Variants in TMED8 observed in about 807,000 individuals in gnomAD.
TMED8 encodes transmembrane p24 trafficking protein family member 8.
In TMED8, 15 loss-of-function variants were observed where a neutral mutation model predicts 32.7. The observed-to-expected ratio is 0.46, with a 90% CI of 0.31 to 0.71. The LOEUF is 0.71. Ranked by LOEUF, TMED8 falls within the 30% of genes least tolerant of loss-of-function variation. The pLI is 0.06. For synonymous variants in TMED8, 147 were observed against 161.4 expected (o/e 0.91, Z 0.68); for missense variants, 390 against 423.9 (o/e 0.92, Z 0.70).
chr14:77,367,968 A>C (rs1195670880), intron 1 of TMED8, among the ~76,000 whole-genome samples: 1 of 152,224 alleles, frequency 6.6e-6, no homozygotes, highest in African/African-American at 2.4e-5. Context: ...TACTGGGATT[A>C]CAGGCATGGG....
intron 3 of TMED8, among the ~76,000 whole-genome samples, chr14:77,346,135 G>A (rs1467009027): frequency 6.6e-6 from 1 of 152,112 alleles, no homozygotes; most frequent in Admixed American, 6.5e-5. Context: ...TTTCTGAATC[G>A]GTGCCTACTG....
rs773590408 is a variant in TMED8, at chr14:77,343,331, G to A, written c.607C>T (p.Arg203Cys). Reference sequence around the variant, plus strand: ...TCGGTCGCAAACTCCCAGCAGACACGCTTCCCCTCTGGATGAGTAGGTACC... The same window carrying A: ...TCGGTCGCAAACTCCCAGCAGACACACTTCCCCTCTGGATGAGTAGGTACC... ...IRVPTHPEGK[R>C]VCWEFATDDY... is the part of the protein sequence containing the mutation. The change falls in exon 5 of 6, where the codon CGT (arginine) becomes TGT (cysteine). Residue 203 changes from arginine (R) to cysteine (C), a missense_variant. Transcript: ENST00000216468. 8.7e-6 allele frequency: 14 copies of A among 1,614,112 alleles called. No individual in the cohort carries two copies. Among genetic ancestry groups the A allele is most frequent in the South Asian group, 3.3e-5 (3 of 91,070 alleles).
chr14:77,369,442 T>C (rs1204958841), intron 1 of TMED8, among the ~76,000 whole-genome samples: 1 of 152,256 alleles, frequency 6.6e-6, no homozygotes, highest in Non-Finnish European at 1.5e-5. Context: ...CTCCCTGCAA[T>C]GACCTACTTT....
chr14:77,375,472 C>T (rs942326544), intron 1 of TMED8, among the ~76,000 whole-genome samples: 3 of 152,134 alleles, frequency 2.0e-5, no homozygotes, highest in Admixed American at 6.5e-5. Context: ...ATAAGACTTA[C>T]CTTTCTGTGT....
intron 1 of TMED8, among the ~76,000 whole-genome samples, chr14:77,362,986 T>C (rs1397895750): frequency 6.6e-6 from 1 of 152,110 alleles, no homozygotes; most frequent in Non-Finnish European, 1.5e-5. Context: ...CAAATTTTAA[T>C]AGACATGAAG....
At chr14:77,374,611 A>G (rs1893771668) in intron 1 of TMED8, among the ~76,000 whole-genome samples, 1 of 152,214 alleles carries the variant, frequency 6.6e-6, no homozygotes, top group African/African-American at 2.4e-5. Context: ...AATTCTTCAC[A>G]TTCATTAGAT....
At chr14:77,369,089 A>G (rs1396272487) in intron 1 of TMED8, among the ~76,000 whole-genome samples, 1 of 149,576 alleles carries the variant, frequency 6.7e-6, no homozygotes, top group Admixed American at 6.8e-5. Flanking sequence ...TGTGAGGTAA[A>G]GATTACGTTT....
intron 1 of TMED8, among the ~76,000 whole-genome samples, chr14:77,372,587 T>C (rs146109745): frequency 1.2e-3 from 190 of 152,212 alleles, no homozygotes; most frequent in African/African-American, 4.4e-3. Flanking sequence ...GTGATCCAAT[T>C]TCTCTTCAGC....
At chr14:77,349,819 T>C (rs988381661) in intron 2 of TMED8, among the ~76,000 whole-genome samples, 1 of 152,242 alleles carries the variant, frequency 6.6e-6, no homozygotes, top group Non-Finnish European at 1.5e-5. Context: ...AACTGAAAGA[T>C]AGGATGTCTT....
In TMED8 at chr14:77,361,897, C is replaced by T. The variant is rs1893445433; in HGVS notation, c.119-10146G>A. Among the ~76,000 whole-genome samples the T allele has an allele frequency of 2.6e-5, 4 of 152,178 alleles. No homozygotes were observed. In the South Asian group the frequency reaches 6.2e-4, roughly 24 times the overall value. On this transcript the variant is annotated intron_variant, in intron 1 of 5. Transcript: ENST00000216468. The stretch of plus-strand genomic sequence containing the variant: ...CTCGACCTCCATGGCTCAAGCAATC[C>T]TCCCACCTCAGCCTCCCGAGTAGCT...
rs1334377730 is a variant in TMED8 at position 77,340,226 on chromosome 14, A to T, written c.*1545T>A. The T allele has an allele frequency of 6.6e-6, 1 of 152,230 alleles. No homozygotes were observed. Among genetic ancestry groups the T allele is most frequent in the Non-Finnish European group, 1.5e-5 (1 of 68,064 alleles). The allele number at this position is 152,230 out of a possible 1,614,324, so 9.4% of individuals were successfully genotyped here. On this transcript the variant is annotated 3_prime_UTR_variant, in exon 6 of 6. Transcript: ENST00000216468. ...GGGCCATACTCCTCGCAAAGCCGTC[A>T]CAGGACTGACCTACAGAAATAAAAC...
chr14:77,337,387 G>T lies in TMED8; in HGVS notation c.*4384C>A, dbSNP rs1892786542. The T allele has an allele frequency of 6.6e-6, 1 of 151,962 alleles. No individual in the cohort carries two copies. Among genetic ancestry groups the T allele is most frequent in the African/African-American group, 2.4e-5 (1 of 41,238 alleles). 9.4% of individuals were successfully genotyped at this position (151,962 alleles called of 1,614,324 possible). A position where few individuals can be genotyped will look rare whatever the true frequency, so the allele number is the denominator to read the frequency against. On this transcript the variant is annotated 3_prime_UTR_variant, in exon 6 of 6. Transcript: ENST00000216468. ...TATTTTCTTGAAAGATGGAGACCAAGAAACAATTTTTTTTTTTTTGAGACG... is the reference window on the plus strand; with the variant it reads ...TATTTTCTTGAAAGATGGAGACCAATAAACAATTTTTTTTTTTTTGAGACG...
chr14:77,354,645 T>G (rs750280103), intron 1 of TMED8, among the ~76,000 whole-genome samples: 4 of 152,108 alleles, frequency 2.6e-5, no homozygotes, highest in Non-Finnish European at 5.9e-5. Context: ...TTACCACTGT[T>G]AACTTTTTAA....
chr14:77,374,227 G>A (rs1299626588), intron 1 of TMED8, among the ~76,000 whole-genome samples: 1 of 152,158 alleles, frequency 6.6e-6, no homozygotes, highest in Non-Finnish European at 1.5e-5. Context: ...GAGGAAGATG[G>A]CAGAAGGATC....
In TMED8 at chr14:77,343,191, CTCCTCT is replaced by C; in HGVS notation, c.741_746del (p.Glu250_Glu251del). ...AATTAAATTTACCTTCAATCTCTTC[CTCCTCT>C]TCCTCTTCTTCATCCTCATCGTCAC... On this transcript the variant is annotated inframe_deletion, in exon 5 of 6. Coordinates refer to ENST00000216468, the MANE Select transcript of TMED8 (RefSeq NM_213601.3). 2 of 1,613,144 alleles carry C rather than the reference CTCCTCT, an allele frequency of 1.2e-6. No homozygotes were observed. The highest frequency in any genetic ancestry group is 1.7e-6 in the Non-Finnish European group (2 of 1,179,220).
intron 1 of TMED8, chr14:77,359,842 GA>G: frequency 1.1e-5 from 2 of 182,058 alleles, no homozygotes; most frequent in South Asian, 1.3e-4. Context: ...CTGACAGTGA[GA>G]AAAAATTTAC....
chr14:77,372,321 T>C (rs915568174), intron 1 of TMED8, among the ~76,000 whole-genome samples: 1 of 152,210 alleles, frequency 6.6e-6, no homozygotes, highest in African/African-American at 2.4e-5. Context: ...AAACTTACTG[T>C]GTACTTCGTA....
intron 1 of TMED8, among the ~76,000 whole-genome samples, chr14:77,374,782 A>T (rs1362537804): frequency 6.6e-6 from 1 of 152,248 alleles, no homozygotes; most frequent in Non-Finnish European, 1.5e-5. Flanking sequence ...AAAGAATTGT[A>T]ATAAAAGACG....
At position 77,342,007 on chromosome 14, in the gene TMED8, A is replaced by C. The variant is rs1372188192; in HGVS notation, c.761-19T>G. ...ACGGGTTCTGCGTGAGCAAAATGGCAAAGTGTTCAGAGACTGCGTAAGTCC... is the reference window on the plus strand; with the variant it reads ...ACGGGTTCTGCGTGAGCAAAATGGCCAAGTGTTCAGAGACTGCGTAAGTCC... On this transcript the variant is annotated intron_variant, in intron 5 of 5. Transcript: ENST00000216468. The C allele has an allele frequency of 6.2e-6, 10 of 1,612,272 alleles. No individual in the cohort carries two copies. The highest frequency in any genetic ancestry group is 5.0e-5 in the Admixed American group (3 of 59,898).
Sources: gnomAD v4.1 joint callset for allele counts (sites outside exome capture counted in the v4.1 genomes callset) on GRCh38, gnomAD v4.1.1 for gene constraint, MANE v1.5 for transcripts, NCBI Gene and HGNC (gene_info 2026-07-23, HGNC 2026-07-21) for gene names.